SCHIP1: variants seen among roughly 807,000 people sequenced by gnomAD.
SCHIP1 encodes schwannomin interacting protein 1, also known as schwannomin-interacting protein 1.
In SCHIP1, 8 loss-of-function variants were observed where a neutral mutation model predicts 29.7. The observed-to-expected ratio is 0.27, with a 90% CI of 0.16 to 0.49. The LOEUF is 0.49. Among genes scored for constraint, SCHIP1 ranks in the 20% least tolerant of loss-of-function variants. SCHIP1 has a pLI of 0.99. For synonymous variants in SCHIP1, 76 were observed against 94.9 expected (o/e 0.80, Z 1.16); for missense variants, 193 against 294.6 (o/e 0.66, Z 2.52).
the SCHIP1 span, among the ~76,000 whole-genome samples, chr3:159,408,391 T>C: frequency 2.2e-5 from 2 of 91,560 alleles, no homozygotes; most frequent in Non-Finnish European, 4.6e-5. Flanking sequence ...AGTTGGTATT[T>C]TGCAATGATA....
the SCHIP1 span, among the ~76,000 whole-genome samples, chr3:159,666,871 C>T: frequency 6.6e-6 from 1 of 152,144 alleles, no homozygotes; most frequent in South Asian, 2.1e-4. Flanking sequence ...CCAAACCTGC[C>T]CGATGTCTAC....
chr3:159,287,355 A>C, the SCHIP1 span, among the ~76,000 whole-genome samples: 3 of 151,592 alleles, frequency 2.0e-5, no homozygotes, highest in Non-Finnish European at 4.4e-5. Flanking sequence ...TATATACTTG[A>C]ATATCAGATA....
the SCHIP1 span, among the ~76,000 whole-genome samples, chr3:159,365,298 T>C: frequency 6.6e-6 from 1 of 152,294 alleles, no homozygotes; most frequent in East Asian, 1.9e-4. Flanking sequence ...ATGTCACAGG[T>C]TATTACATGA....
the SCHIP1 span, among the ~76,000 whole-genome samples, chr3:159,283,593 C>G: frequency 2.0e-5 from 3 of 152,244 alleles, no homozygotes; most frequent in East Asian, 3.9e-4. Context: ...CGTGAGCCAC[C>G]GCGCCTGGCT....
chr3:159,791,050 G>T, the SCHIP1 span, among the ~76,000 whole-genome samples: 1 of 152,160 alleles, frequency 6.6e-6, no homozygotes, highest in African/African-American at 2.4e-5. Context: ...CACCTTGCCT[G>T]CCTTGGACTT....
the SCHIP1 span, among the ~76,000 whole-genome samples, chr3:159,757,571 G>C: frequency 6.6e-6 from 1 of 152,168 alleles, no homozygotes; most frequent in South Asian, 2.1e-4. Flanking sequence ...CCCTGTCACC[G>C]GTGGTGACCC....
At chr3:159,655,612 G>A in the SCHIP1 span, among the ~76,000 whole-genome samples, 24 of 152,288 alleles carry the variant, frequency 1.6e-4, no homozygotes, top group Admixed American at 1.3e-3. Context: ...ACAGCAGGCC[G>A]AGCGTGGTGG....
the SCHIP1 span, among the ~76,000 whole-genome samples, chr3:159,336,648 G>A: frequency 0.011 from 1,693 of 152,226 alleles, 18 homozygotes; most frequent in South Asian, 0.033. Flanking sequence ...AAGATCAGAT[G>A]GTTGTAGACG....
At chr3:159,665,120 A>G in the SCHIP1 span, among the ~76,000 whole-genome samples, 281 of 152,320 alleles carry the variant, frequency 1.8e-3, 2 homozygotes, top group African/African-American at 6.6e-3. Flanking sequence ...GATGGGCTCT[A>G]GCATTGGTAT....
chr3:159,344,831 A>G, the SCHIP1 span, among the ~76,000 whole-genome samples: 1 of 152,248 alleles, frequency 6.6e-6, no homozygotes, highest in Non-Finnish European at 1.5e-5. Flanking sequence ...AATTGTGACA[A>G]ACGTATCATA....
intron 1 of SCHIP1, among the ~76,000 whole-genome samples, chr3:159,842,950 G>A (rs1264558960): frequency 6.8e-6 from 1 of 146,140 alleles, no homozygotes; most frequent in Non-Finnish European, 1.5e-5. Flanking sequence ...AGCCTTATCT[G>A]GATGTAATCT....
the SCHIP1 span, among the ~76,000 whole-genome samples, chr3:159,666,131 A>G: frequency 6.6e-6 from 1 of 152,194 alleles, no homozygotes; most frequent in African/African-American, 2.4e-5. Flanking sequence ...TCAGTAGTTA[A>G]TGAAAAGCAG....
At chr3:159,776,673 A>T in the SCHIP1 span, among the ~76,000 whole-genome samples, 19 of 152,340 alleles carry the variant, frequency 1.2e-4, no homozygotes, top group African/African-American at 4.6e-4. Context: ...TGGTATAGTG[A>T]TCTAAATATT....
chr3:159,547,096 T>A, the SCHIP1 span, among the ~76,000 whole-genome samples: 1 of 152,210 alleles, frequency 6.6e-6, no homozygotes, highest in Non-Finnish European at 1.5e-5. Context: ...GTTTCCTGAC[T>A]TTTGAATGGT....
the SCHIP1 span, among the ~76,000 whole-genome samples, chr3:159,680,579 C>T: frequency 4.1e-5 from 4 of 98,010 alleles, no homozygotes; most frequent in African/African-American, 1.3e-4. Flanking sequence ...TATAATATAT[C>T]TATATATAAT....
At chr3:159,300,158 G>T in the SCHIP1 span, among the ~76,000 whole-genome samples, 5 of 113,224 alleles carry the variant, frequency 4.4e-5, no homozygotes, top group Non-Finnish European at 8.4e-5. Flanking sequence ...GTCTCACTCT[G>T]TCACCCAGGC....
At chr3:159,569,330 C>T in the SCHIP1 span, among the ~76,000 whole-genome samples, 27 of 152,084 alleles carry the variant, frequency 1.8e-4, no homozygotes, top group Non-Finnish European at 3.5e-4. Context: ...CCCCCACACA[C>T]CAACAGGCCC....
the SCHIP1 span, among the ~76,000 whole-genome samples, chr3:159,502,519 T>C: frequency 3.9e-5 from 6 of 152,136 alleles, no homozygotes; most frequent in African/African-American, 9.7e-5. Flanking sequence ...TTTAAGTAAG[T>C]TTTAGGGTAC....
At chr3:159,494,589 C>A in the SCHIP1 span, among the ~76,000 whole-genome samples, 2 of 152,106 alleles carry the variant, frequency 1.3e-5, no homozygotes, top group Non-Finnish European at 2.9e-5. Flanking sequence ...CAATAACAGG[C>A]TCTGAAATTG....
Sources: gnomAD v4.1 joint callset for allele counts (sites outside exome capture counted in the v4.1 genomes callset) on GRCh38, gnomAD v4.1.1 for gene constraint, MANE v1.5 for transcripts, NCBI Gene and HGNC (gene_info 2026-07-23, HGNC 2026-07-21) for gene names.